The following IMPG1 variants were observed in gnomAD, a reference collection of about 807,000 sequenced individuals.
IMPG1 encodes interphotoreceptor matrix proteoglycan of 150 kDa.
In IMPG1, 85 loss-of-function variants were observed where a neutral mutation model predicts 92.0. The ratio of observed to expected loss-of-function variants is 0.92; its 90% confidence interval spans 0.78 to 1.11. IMPG1 has a LOEUF of 1.11. IMPG1 is among the 50% of genes least tolerant of loss of function. IMPG1 has a pLI of 0.00. For missense variants in IMPG1, 1,022 were observed against 956.0 expected (o/e 1.07, Z -0.91); for synonymous variants, 367 against 334.1 (o/e 1.10, Z -1.08).
intron 1 of IMPG1, among the ~76,000 whole-genome samples, chr6:76,057,721 C>T (rs1030701523): frequency 1.3e-5 from 2 of 151,910 alleles, no homozygotes; most frequent in Non-Finnish European, 2.9e-5. Context: ...GGGGGGGTGG[C>T]TAAAACCACA....
At chr6:76,038,379 G>T (rs1022366553) in intron 2 of IMPG1, among the ~76,000 whole-genome samples, 4 of 152,150 alleles carry the variant, frequency 2.6e-5, no homozygotes, top group African/African-American at 9.7e-5. Context: ...TGTTAAGGAT[G>T]AAATCTCAGA....
At chr6:75,946,065 A>G (rs1368500003) in intron 14 of IMPG1, among the ~76,000 whole-genome samples, 1 of 152,186 alleles carries the variant, frequency 6.6e-6, no homozygotes, top group Non-Finnish European at 1.5e-5. Context: ...TTCTGATCCT[A>G]ACTGGCAAAG....
chr6:75,990,529 G>T lies in IMPG1; in HGVS notation c.1291+12389C>A, dbSNP rs565357671. On this transcript the variant is annotated intron_variant, in intron 12 of 16. Coordinates refer to ENST00000369950, the MANE Select transcript of IMPG1 (RefSeq NM_001563.4). ...CACATTTTGGGAGGCTGAGGCAGGAGGATTGCTTGAGCCCAGGAGTTTGGG... is the reference window on the plus strand; with the variant it reads ...CACATTTTGGGAGGCTGAGGCAGGATGATTGCTTGAGCCCAGGAGTTTGGG... Among the ~76,000 whole-genome samples, 8 of 151,662 alleles carry T rather than the reference G, an allele frequency of 5.3e-5. No homozygotes were observed. The South Asian group carries it at 1.7e-3, about 32-fold the overall frequency.
At chr6:76,036,080 T>A (rs1311200276) in intron 2 of IMPG1, among the ~76,000 whole-genome samples, 1 of 152,152 alleles carries the variant, frequency 6.6e-6, no homozygotes, top group Non-Finnish European at 1.5e-5. Context: ...ATCTACTTAT[T>A]TATGTAAAGA....
intron 2 of IMPG1, among the ~76,000 whole-genome samples, chr6:76,037,389 G>C (rs1302139081): frequency 6.6e-6 from 1 of 152,136 alleles, no homozygotes; most frequent in Admixed American, 6.5e-5. Context: ...GTGCCATCTG[G>C]TTTCTCACAC....
intron 8 of IMPG1, among the ~76,000 whole-genome samples, chr6:76,007,962 A>G (rs921202863): frequency 1.3e-5 from 2 of 152,186 alleles, no homozygotes; most frequent in African/African-American, 4.8e-5. Flanking sequence ...CTGAGGCAAA[A>G]CCGTGGAACT....
intron 1 of IMPG1, among the ~76,000 whole-genome samples, chr6:76,057,413 T>A (rs1018436069): frequency 6.6e-6 from 1 of 152,052 alleles, no homozygotes; most frequent in Non-Finnish European, 1.5e-5. Context: ...GGATGTGCAG[T>A]GGGGAAGAGA....
chr6:76,003,757 T>C, intron 11 of IMPG1, 117 bp downstream of exon 11: 1 of 710,902 alleles, frequency 1.4e-6, no homozygotes. Flanking sequence ...CAGAAAAGAA[T>C]TTAATTAGCA....
chr6:75,994,592 G>T (rs944180808), intron 12 of IMPG1, among the ~76,000 whole-genome samples: 3 of 152,180 alleles, frequency 2.0e-5, no homozygotes, highest in Non-Finnish European at 4.4e-5. Flanking sequence ...ATGACAGCAG[G>T]CATAGAGAGA....
chr6:76,026,143 G>A (rs368039985), intron 4 of IMPG1, among the ~76,000 whole-genome samples: 27 of 152,240 alleles, frequency 1.8e-4, no homozygotes, highest in Admixed American at 5.2e-4. Flanking sequence ...GGGACTCTGC[G>A]CTAGCAAGAG....
intron 12 of IMPG1, among the ~76,000 whole-genome samples, chr6:75,962,728 A>G (rs1293257620): frequency 6.6e-6 from 1 of 152,216 alleles, no homozygotes; most frequent in African/African-American, 2.4e-5. Flanking sequence ...AATAAGCACA[A>G]AGAAAACTAA....
At chr6:76,065,441 A>G (rs1369617973) in intron 1 of IMPG1, among the ~76,000 whole-genome samples, 2 of 152,156 alleles carry the variant, frequency 1.3e-5, no homozygotes, top group Non-Finnish European at 2.9e-5. Context: ...GAATTACAAA[A>G]TGCTGTAAAA....
chr6:76,063,462 G>C (rs1051461790), intron 1 of IMPG1, among the ~76,000 whole-genome samples: 1 of 152,118 alleles, frequency 6.6e-6, no homozygotes, highest in Admixed American at 6.5e-5. Flanking sequence ...GTTTCTCCTT[G>C]CCCTGGTGGC....
At chr6:76,068,158 A>G (rs577459479) in intron 1 of IMPG1, among the ~76,000 whole-genome samples, 25 of 152,294 alleles carry the variant, frequency 1.6e-4, no homozygotes, top group Admixed American at 1.6e-3. Context: ...AACCACTCCT[A>G]TTCAACATAG....
intron 1 of IMPG1, among the ~76,000 whole-genome samples, chr6:76,066,015 C>G (rs1019348301): frequency 3.3e-5 from 5 of 152,030 alleles, no homozygotes; most frequent in African/African-American, 1.2e-4. Context: ...CTTTCCCAGA[C>G]AAGCAAATGC....
Position 76,007,469 on chromosome 6 carries a change from G to A in IMPG1, c.887+11C>T, listed in dbSNP as rs1464024241. ...AATGTACTATATTTCAAAACTTAAA[G>A]TCCAAATTACCCATCTTTTTCTTTC... On this transcript the variant is annotated intron_variant, in intron 9 of 16. Coordinates refer to ENST00000369950, the MANE Select transcript of IMPG1 (RefSeq NM_001563.4). 1 of 1,590,724 alleles carries A rather than the reference G, an allele frequency of 6.3e-7. No homozygotes were observed.
At chr6:75,923,137 TA>T (rs768004228) in intron 16 of IMPG1, among the ~76,000 whole-genome samples, 2 of 152,130 alleles carry the variant, frequency 1.3e-5, no homozygotes, top group Non-Finnish European at 2.9e-5. Context: ...ATAAGTTGAT[TA>T]AGTGAATATT....
At chr6:75,923,814 A>AGAT (rs1781473220) in intron 15 of IMPG1, 108 bp from the exon 16 acceptor site, 5 of 639,340 alleles carry the variant, frequency 7.8e-6, no homozygotes, top group Admixed American at 6.6e-5. Context: ...AAGTGAAAAT[A>AGAT]GATAGCATAT....
intron 1 of IMPG1, among the ~76,000 whole-genome samples, chr6:76,069,939 A>G (rs543972036): frequency 1.3e-5 from 2 of 152,292 alleles, no homozygotes; most frequent in African/African-American, 2.4e-5. Context: ...CTGGGTCCCC[A>G]TGGACATAAA....
Sources: allele counts gnomAD v4.1 joint callset (sites outside exome capture counted in the v4.1 genomes callset), GRCh38; gene constraint gnomAD v4.1.1; transcripts MANE v1.5; gene names NCBI Gene and HGNC (gene_info 2026-07-23, HGNC 2026-07-21).